CREB5: variants seen among roughly 807,000 people sequenced by gnomAD.
CREB5 encodes cAMP responsive element binding protein 5, also known as cyclic AMP-responsive element-binding protein 5.
A neutral mutation model predicts 57.1 loss-of-function variants in CREB5; 19 were observed. That is an observed-to-expected ratio of 0.33 (90% CI 0.23 to 0.49). The LOEUF is 0.49. Ranked by LOEUF, CREB5 falls within the 20% of genes least tolerant of loss-of-function variation. The probability of loss-of-function intolerance (pLI) is 0.99; values close to 1 mark genes in which losing one functional copy is unlikely to be tolerated. For missense variants in CREB5, 579 were observed against 671.6 expected, an observed-to-expected ratio of 0.86 and a Z score of 1.52; for synonymous variants, 238 against 238.3, an observed-to-expected ratio of 1.00 and a Z score of 0.01.
intron 5 of CREB5, among the ~76,000 whole-genome samples, chr7:28,643,465 A>G (rs1206260810): frequency 6.6e-6 from 1 of 152,040 alleles, no homozygotes; most frequent in African/African-American, 2.4e-5. Context: ...TCCCATAGTA[A>G]CCTTTGGCTG....
At chr7:28,559,288 C>T (rs1794986632) in intron 4 of CREB5, among the ~76,000 whole-genome samples, 1 of 152,180 alleles carries the variant, frequency 6.6e-6, no homozygotes, top group South Asian at 2.1e-4. Context: ...CTTAGGATAA[C>T]TCAAATCAGC....
At chr7:28,349,217 G>A (rs982380413) in intron 1 of CREB5, among the ~76,000 whole-genome samples, 106 of 152,160 alleles carry the variant, frequency 7.0e-4, no homozygotes, top group African/African-American at 2.0e-3. Context: ...CAAGGTTTTC[G>A]GAAAGTAGTT....
Position 28,820,959 on chromosome 7 carries a change from T to A in CREB5, c.*1680T>A, listed in dbSNP as rs972105187. The A allele has an allele frequency of 6.6e-6, 1 of 152,652 alleles. No homozygotes were observed. The highest frequency in any genetic ancestry group is 6.5e-5 in the Admixed American group (1 of 15,280). The allele number at this position is 152,652 out of a possible 1,614,324, so 9.5% of individuals were successfully genotyped here. A position where few individuals can be genotyped will look rare whatever the true frequency, so the allele number is the denominator to read the frequency against. On this transcript the variant is annotated 3_prime_UTR_variant, in exon 11 of 11. Coordinates refer to ENST00000357727, the MANE Select transcript of CREB5 (RefSeq NM_182898.4). ...ACAACTTTTGTGAACTTGCCCGTGATACAAAGCAGATAGTCCCTGAACCAC... is the reference window on the plus strand; with the variant it reads ...ACAACTTTTGTGAACTTGCCCGTGAAACAAAGCAGATAGTCCCTGAACCAC...
intron 7 of CREB5, among the ~76,000 whole-genome samples, chr7:28,755,839 T>C (rs1308180243): frequency 6.6e-6 from 1 of 152,086 alleles, no homozygotes; most frequent in African/African-American, 2.4e-5. Context: ...GGCCCTAAAA[T>C]CTGTAAGTGT....
chr7:28,604,779 G>A (rs1289264430), intron 5 of CREB5, among the ~76,000 whole-genome samples: 3 of 151,854 alleles, frequency 2.0e-5, no homozygotes, highest in Non-Finnish European at 4.4e-5. Context: ...TATCATTGGG[G>A]CCAAAATTAT....
intron 1 of CREB5, among the ~76,000 whole-genome samples, chr7:28,416,776 A>G (rs937419911): frequency 6.6e-6 from 1 of 152,202 alleles, no homozygotes; most frequent in Non-Finnish European, 1.5e-5. Flanking sequence ...CTCTTTGTCT[A>G]TTCTCTGCAT....
At chr7:28,581,514 G>T (rs757290759) in intron 5 of CREB5, among the ~76,000 whole-genome samples, 2 of 152,130 alleles carry the variant, frequency 1.3e-5, no homozygotes, top group African/African-American at 4.8e-5. Context: ...AGAGGCCTGC[G>T]GGTGCTTAAA....
intron 4 of CREB5, among the ~76,000 whole-genome samples, chr7:28,521,179 T>TATTACAC: frequency 3.1e-5 from 1 of 32,544 alleles, no homozygotes; most frequent in African/African-American, 5.5e-5. Flanking sequence ...TGTGTATAAG[T>TATTACAC]GTGTGTGTGT....
At chr7:28,626,352 C>T (rs1423979287) in intron 5 of CREB5, among the ~76,000 whole-genome samples, 1 of 152,178 alleles carries the variant, frequency 6.6e-6, no homozygotes, top group Non-Finnish European at 1.5e-5. Flanking sequence ...CACTAATACT[C>T]ATTGACTGCT....
chr7:28,467,165 G>C (rs1285945132), intron 1 of CREB5, among the ~76,000 whole-genome samples: 2 of 152,178 alleles, frequency 1.3e-5, no homozygotes, highest in African/African-American at 4.8e-5. Context: ...AGGGAATCTG[G>C]TGGTGGGGAG....
chr7:28,678,282 G>A (rs985014626), intron 5 of CREB5, among the ~76,000 whole-genome samples: 2 of 152,026 alleles, frequency 1.3e-5, no homozygotes, highest in African/African-American at 2.4e-5. Context: ...CAGGCACTTG[G>A]GAGGCTGAGG....
intron 1 of CREB5, among the ~76,000 whole-genome samples, chr7:28,461,993 A>G (rs2128576018): frequency 6.6e-6 from 1 of 152,238 alleles, no homozygotes; most frequent in East Asian, 1.9e-4. Flanking sequence ...GAATTGTGTA[A>G]TTATCACCAT....
At chr7:28,439,287 T>G (rs1789088890) in intron 1 of CREB5, among the ~76,000 whole-genome samples, 1 of 152,200 alleles carries the variant, frequency 6.6e-6, no homozygotes, top group Non-Finnish European at 1.5e-5. Context: ...GTACAAGGTT[T>G]GCATTATATA....
intron 1 of CREB5, among the ~76,000 whole-genome samples, chr7:28,367,995 C>T (rs1786624380): frequency 6.6e-6 from 1 of 152,086 alleles, no homozygotes; most frequent in African/African-American, 2.4e-5. Context: ...TCTGCCATAC[C>T]CCACCAATGA....
chr7:28,763,807 A>T lies in CREB5; in HGVS notation c.702+39475A>T, dbSNP rs1439867959. On this transcript the variant is annotated intron_variant, in intron 7 of 10. Coordinates refer to ENST00000357727, the MANE Select transcript of CREB5 (RefSeq NM_182898.4). The stretch of plus-strand genomic sequence containing the variant: ...TCGCTGTGGGGATATTATTATTATT[A>T]TTATTTTTTTTTGAGACAGGGTCTT... Among the ~76,000 whole-genome samples the T allele has an allele frequency of 1.6e-4, 18 of 113,436 alleles. 1 individual carries two copies. The highest frequency in any genetic ancestry group is 3.5e-4 in the African/African-American group (12 of 34,462). The allele number at this position is 113,436 out of a possible 152,430, so 74.4% of individuals were successfully genotyped here. A position where few individuals can be genotyped will look rare whatever the true frequency, so the allele number is the denominator to read the frequency against.
At chr7:28,674,578 C>T (rs1360081734) in intron 5 of CREB5, among the ~76,000 whole-genome samples, 2 of 152,212 alleles carry the variant, frequency 1.3e-5, no homozygotes, top group African/African-American at 2.4e-5. Context: ...CGCAGACCAA[C>T]CTGCTGAGCT....
intron 5 of CREB5, among the ~76,000 whole-genome samples, chr7:28,595,518 C>G (rs531325839): frequency 6.6e-6 from 1 of 152,186 alleles, no homozygotes; most frequent in Non-Finnish European, 1.5e-5. Context: ...TGGTGCACCC[C>G]TTTCTCTGGT....
rs1433829589 is a variant in CREB5, at chr7:28,824,219, A to G, written c.*4940A>G. 1 of 152,560 alleles carries G rather than the reference A, an allele frequency of 6.6e-6. No homozygotes were observed. The highest frequency in any genetic ancestry group is 2.4e-5 in the African/African-American group (1 of 41,438). 9.5% of individuals were successfully genotyped at this position (152,560 alleles called of 1,614,324 possible). ...CCAAGGAGAAGAGCCAGTACACTAT[A>G]TGGTTTATACTCTTTATCCCTTTAT... On this transcript the variant is annotated 3_prime_UTR_variant, in exon 11 of 11. Coordinates refer to ENST00000357727, the MANE Select transcript of CREB5 (RefSeq NM_182898.4).
chr7:28,776,349 A>G (rs1000166812), intron 7 of CREB5, among the ~76,000 whole-genome samples: 6 of 145,858 alleles, frequency 4.1e-5, no homozygotes, highest in South Asian at 2.2e-4. Flanking sequence ...AAAAAAAAAA[A>G]AAGAAGAAGA....
Sources: allele counts gnomAD v4.1 joint callset (sites outside exome capture counted in the v4.1 genomes callset), GRCh38; gene constraint gnomAD v4.1.1; transcripts MANE v1.5; gene names NCBI Gene and HGNC (gene_info 2026-07-23, HGNC 2026-07-21).